Variants in CSMD1 observed in about 807,000 individuals in gnomAD.
The protein encoded by CSMD1 is CUB and sushi domain-containing protein 1.
CSMD1 carries 213 observed loss-of-function variants against 417.5 expected under a neutral mutation model. The ratio of observed to expected loss-of-function variants is 0.51; its 90% CI spans 0.46 to 0.57. CSMD1 has a LOEUF of 0.57. CSMD1 is among the 20% of genes least tolerant of loss of function. The pLI, the probability that CSMD1 is intolerant of heterozygous loss-of-function variation, is 0.00. For synonymous variants in CSMD1, 2,862 were observed against 1,736.8 expected (o/e 1.65, Z -16.11); for missense variants, 6,923 against 4,529.7 (o/e 1.53, Z -15.17).
Position 3,834,845 on chromosome 8 carries a change from T to C in CSMD1, c.819-80803A>G, listed in dbSNP as rs555858178. 2.0e-5 allele frequency among the ~76,000 whole-genome samples: 3 copies of C among 151,990 alleles called. No homozygotes were observed. In the East Asian group the frequency reaches 5.8e-4, roughly 29 times the overall value. The stretch of plus-strand genomic sequence containing the variant: ...TGACAAAGGGCTAATATCCAGAATC[T>C]ACAATGAACTCCAACAAATTTACAA... On this transcript the variant is annotated intron_variant, in intron 5 of 69. Transcript: ENST00000635120.
At chr8:4,657,711 C>A (rs564689039) in intron 1 of CSMD1, among the ~76,000 whole-genome samples, 164 of 139,578 alleles carry the variant, frequency 1.2e-3, no homozygotes, top group Non-Finnish European at 1.9e-3. Flanking sequence ...GACCCACTCA[C>A]AAAAGAAATG....
chr8:3,167,048 A>G (rs1256076629), intron 37 of CSMD1, among the ~76,000 whole-genome samples: 1 of 152,168 alleles, frequency 6.6e-6, no homozygotes, highest in East Asian at 1.9e-4. Context: ...GCACTTTGGG[A>G]GGCCAAGGCA....
chr8:4,759,823 T>A (rs187217580), intron 1 of CSMD1, among the ~76,000 whole-genome samples: 1 of 152,224 alleles, frequency 6.6e-6, no homozygotes, highest in Non-Finnish European at 1.5e-5. Context: ...TGATGGACAT[T>A]TGGGTTGATT....
At chr8:4,329,413 C>T (rs543333086) in intron 3 of CSMD1, among the ~76,000 whole-genome samples, 6 of 152,134 alleles carry the variant, frequency 3.9e-5, no homozygotes, top group South Asian at 2.1e-4. Flanking sequence ...CGCAGCCTCC[C>T]GGGTAGCTGG....
At chr8:3,860,905 T>C (rs997154058) in intron 5 of CSMD1, among the ~76,000 whole-genome samples, 6 of 152,218 alleles carry the variant, frequency 3.9e-5, no homozygotes, top group African/African-American at 1.4e-4. Flanking sequence ...AGAAATCTAG[T>C]CTCTATACTA....
intron 3 of CSMD1, among the ~76,000 whole-genome samples, chr8:4,243,541 G>A (rs1271624986): frequency 4.6e-5 from 7 of 152,044 alleles, no homozygotes; most frequent in Non-Finnish European, 1.0e-4. Context: ...GAGAAATGGG[G>A]AAATTACCCC....
chr8:4,019,410 G>C (rs560098213), intron 4 of CSMD1, among the ~76,000 whole-genome samples: 3 of 152,226 alleles, frequency 2.0e-5, no homozygotes, highest in South Asian at 4.1e-4. Context: ...TCTGCTTTTA[G>C]CTTCCCTATC....
At chr8:4,355,652 G>T (rs561916704) in intron 3 of CSMD1, among the ~76,000 whole-genome samples, 8 of 152,190 alleles carry the variant, frequency 5.3e-5, no homozygotes, top group Non-Finnish European at 1.2e-4. Context: ...AGAAAAGCAA[G>T]CATGCTATAA....
intron 3 of CSMD1, among the ~76,000 whole-genome samples, chr8:4,154,806 G>T (rs961191015): frequency 6.6e-6 from 1 of 152,030 alleles, no homozygotes; most frequent in African/African-American, 2.4e-5. Flanking sequence ...AAGACTGAAT[G>T]TTGGAAAGAG....
chr8:4,633,514 G>T (rs1802658873), intron 2 of CSMD1, among the ~76,000 whole-genome samples: 2 of 151,784 alleles, frequency 1.3e-5, no homozygotes, highest in Non-Finnish European at 2.9e-5. Flanking sequence ...CTCCCAAAGT[G>T]CTGGGATTAC....
intron 3 of CSMD1, among the ~76,000 whole-genome samples, chr8:4,274,208 A>G (rs949713466): frequency 6.6e-6 from 1 of 152,190 alleles, no homozygotes; most frequent in Non-Finnish European, 1.5e-5. Flanking sequence ...AGAAGAAAAT[A>G]GTTTATAAAG....
intron 5 of CSMD1, among the ~76,000 whole-genome samples, chr8:3,945,475 A>T (rs774362895): frequency 6.6e-6 from 1 of 151,990 alleles, no homozygotes; most frequent in African/African-American, 2.4e-5. Context: ...TTTCTTAGTT[A>T]CTCTTCAACT....
intron 41 of CSMD1, 73 bp from the exon 42 acceptor site, chr8:3,118,660 C>A: frequency 7.3e-7 from 1 of 1,363,660 alleles, no homozygotes; most frequent in South Asian, 1.3e-5. Context: ...GCAGGAGTGT[C>A]ATCACATGTG....
intron 50 of CSMD1, among the ~76,000 whole-genome samples, chr8:3,037,868 C>A (rs965149344): frequency 1.3e-5 from 2 of 152,148 alleles, no homozygotes; most frequent in African/African-American, 4.8e-5. Context: ...CTAGCTTCTT[C>A]TTCCCCAAGA....
chr8:4,284,640 G>A (rs532772467), intron 3 of CSMD1, among the ~76,000 whole-genome samples: 1 of 151,950 alleles, frequency 6.6e-6, no homozygotes, highest in Non-Finnish European at 1.5e-5. Context: ...GTTCTCCAAG[G>A]GTGGACTCAG....
chr8:3,185,225 C>T (rs770683591), intron 36 of CSMD1, among the ~76,000 whole-genome samples: 104 of 152,194 alleles, frequency 6.8e-4, no homozygotes, highest in Admixed American at 1.6e-3. Context: ...AGGAAATTAG[C>T]GTCAGAATTG....
intron 26 of CSMD1, among the ~76,000 whole-genome samples, chr8:3,231,010 G>T (rs1289191289): frequency 1.3e-5 from 2 of 152,066 alleles, no homozygotes; most frequent in Admixed American, 6.6e-5. Context: ...ATTGCAAACG[G>T]CGAGCCTAAA....
chr8:4,846,772 A>C (rs957148917), intron 1 of CSMD1, among the ~76,000 whole-genome samples: 7 of 152,150 alleles, frequency 4.6e-5, no homozygotes, highest in African/African-American at 1.7e-4. Flanking sequence ...TTATCTTTTA[A>C]CTAAGTTAGA....
Position 3,646,846 on chromosome 8 carries a change from G to A in CSMD1, c.1010-30049C>T, listed in dbSNP as rs562789720. On this transcript the variant is annotated intron_variant, in intron 7 of 69. Transcript: ENST00000635120. ...GCCTCCTCCCACCCGCTGGCTGCTT[G>A]CCTCTCTGGCTGAATTTGGGTCACA... Among the ~76,000 whole-genome samples the A allele has an allele frequency of 3.3e-5, 5 of 152,150 alleles. No homozygotes were observed. In the East Asian group the frequency reaches 9.7e-4, roughly 29 times the overall value.
Sources: allele counts gnomAD v4.1 joint callset (sites outside exome capture counted in the v4.1 genomes callset), GRCh38; gene constraint gnomAD v4.1.1; transcripts MANE v1.5; gene names NCBI Gene and HGNC (gene_info 2026-07-23, HGNC 2026-07-21).